The following GTSE1 variants were observed in gnomAD, a reference collection of about 807,000 sequenced individuals.
GTSE1 encodes the protein G2 and S phase-expressed protein 1.
Under a neutral mutation model 60.5 loss-of-function variants are expected in GTSE1, and 52 were observed. The ratio of observed to expected loss-of-function variants is 0.86; its 90% CI spans 0.69 to 1.08. GTSE1 has a LOEUF of 1.08. Ranked by LOEUF, GTSE1 falls within the 50% of genes least tolerant of loss-of-function variation. The pLI is 0.00. For missense variants in GTSE1, 937 were observed against 961.8 expected, an observed-to-expected ratio of 0.97 and a Z score of 0.34; for synonymous variants, 368 against 386.5, an observed-to-expected ratio of 0.95 and a Z score of 0.56.
chr22:46,329,264 C>A lies in GTSE1; in HGVS notation c.1927-94C>A. ...CTGATTCCTTGGCTTTCCAAACCGC[C>A]AGCCCACCTGGAACATGAGCAAAGC... is the stretch of plus-strand genomic sequence containing the variant. On this transcript the variant is annotated intron_variant, in intron 10 of 11. Transcript: ENST00000454366. The surrounding 1 kb of genome is among the most constrained non-coding windows in gnomAD (Gnocchi z 6.4). 9.3e-7 allele frequency: 1 copy of A among 1,077,956 alleles called. No homozygotes were observed. Among genetic ancestry groups the A allele is most frequent in the Non-Finnish European group, 1.4e-6 (1 of 702,550 alleles). The allele number at this position is 1,077,956 out of a possible 1,614,324, so 66.8% of individuals were successfully genotyped here. A position where few individuals can be genotyped will look rare whatever the true frequency, so the allele number is the denominator to read the frequency against.
chr22:46,325,560 A>G (rs1200719776), intron 8 of GTSE1, among the ~76,000 whole-genome samples: 4 of 152,180 alleles, frequency 2.6e-5, no homozygotes, highest in African/African-American at 7.2e-5. Context: ...CAGTAGTGCA[A>G]TCATGGCTCA....
chr22:46,301,396 C>T (rs1233886555), intron 2 of GTSE1, among the ~76,000 whole-genome samples: 1 of 152,156 alleles, frequency 6.6e-6, no homozygotes, highest in African/African-American at 2.4e-5. Context: ...TTGTCTCTTT[C>T]CCCACAACCT....
At position 46,310,317 on chromosome 22, in the gene GTSE1, G is replaced by A. The variant is rs1360666538; in HGVS notation, c.762+1374G>A. Among the ~76,000 whole-genome samples, 3 of 152,216 alleles carry A rather than the reference G, an allele frequency of 2.0e-5. No homozygotes were observed. Among genetic ancestry groups the A allele is most frequent in the Admixed American group, 6.5e-5 (1 of 15,286 alleles). On this transcript the variant is annotated intron_variant, in intron 4 of 11. Coordinates refer to ENST00000454366, the MANE Select transcript of GTSE1 (RefSeq NM_016426.7). The surrounding 1 kb of genome is among the most constrained non-coding windows in gnomAD (Gnocchi z 4.4). ...GGATGAGGATGTTGTGGAGGATGAG[G>A]AGAAGGCTGAGGATGTGGAGAAGCT...
At chr22:46,303,360 T>C (rs1246068060) in intron 2 of GTSE1, among the ~76,000 whole-genome samples, 1 of 152,256 alleles carries the variant, frequency 6.6e-6, no homozygotes, top group East Asian at 1.9e-4. Flanking sequence ...CACTGTTCTT[T>C]GTAGATATGA....
At chr22:46,307,502 A>T (rs1601903070) in intron 2 of GTSE1, among the ~76,000 whole-genome samples, 1 of 148,568 alleles carries the variant, frequency 6.7e-6, no homozygotes, top group Non-Finnish European at 1.5e-5. Context: ...AGAATGGCTG[A>T]TGTAATTTCT....
chr22:46,308,351 C>G lies in GTSE1; in HGVS notation c.170C>G (p.Pro57Arg), dbSNP rs773088142. 7.4e-6 allele frequency: 12 copies of G among 1,613,772 alleles called. No homozygotes were observed. In the Admixed American group the frequency reaches 8.3e-5, roughly 11 times the overall value. The change falls in exon 4 of 12, where the codon CCC becomes CGC. Residue 57 changes from proline (P) to arginine (R), a missense_variant. Physicochemically the swap from Pro to Arg is moderately radical, Grantham distance 103 (BLOSUM62 -2). Coordinates refer to ENST00000454366, the MANE Select transcript of GTSE1 (RefSeq NM_016426.7). Reference sequence around the variant, plus strand: ...GAAGATGATGAAGTCTTCTTCGGACCCTTTGGACATAAAGAAAGATGTATT... The same window carrying G: ...GAAGATGATGAAGTCTTCTTCGGACGCTTTGGACATAAAGAAAGATGTATT... Reference protein sequence around the residue: ...ANEDDEVFFGPFGHKERCIAA... With the variant: ...ANEDDEVFFGRFGHKERCIAA...
rs1218991251 is a variant in GTSE1, at chr22:46,309,770, T to TG, written c.762+828dup. On this transcript the variant is annotated intron_variant, in intron 4 of 11. Coordinates refer to ENST00000454366, the MANE Select transcript of GTSE1 (RefSeq NM_016426.7). This position sits in a 1 kb window ranked among gnomAD's most constrained non-coding sequence, Gnocchi z 6.2. ...ACACACTGCCCTTGACAAGGAGGTATGCCCGGCACTGCCACCCCCAACAGC... is the reference window on the plus strand; with the variant it reads ...ACACACTGCCCTTGACAAGGAGGTATGGCCCGGCACTGCCACCCCCAACAGC... Among the ~76,000 whole-genome samples the TG allele has an allele frequency of 6.6e-6, 1 of 152,182 alleles. No individual in the cohort carries two copies. The highest frequency in any genetic ancestry group is 1.5e-5 in the Non-Finnish European group (1 of 68,034).
rs1287982583 is a variant in GTSE1 at position 46,330,197 on chromosome 22, T to G, written c.*67T>G. On this transcript the variant is annotated 3_prime_UTR_variant, in exon 12 of 12. Transcript: ENST00000454366. The surrounding 1 kb of genome is among the most constrained non-coding windows in gnomAD (Gnocchi z 6.0). ...GGTTTTCAACCCTCAGAAACAAGCT[T>G]TAGGCTGGTCGCAGTGGCTTACACT... 5 of 961,450 alleles carry G rather than the reference T, an allele frequency of 5.2e-6. No homozygotes were observed. In the African/African-American group the frequency reaches 8.0e-5, roughly 15 times the overall value. 59.6% of individuals were successfully genotyped at this position (961,450 alleles called of 1,614,324 possible).
chr22:46,308,110 A>C (rs1367988224), intron 2 of GTSE1, 40 bp from the exon 3 acceptor site: 1 of 1,345,298 alleles, frequency 7.4e-7, no homozygotes, highest in Non-Finnish European at 1.1e-6. Flanking sequence ...TCTCTTTATC[A>C]GCTGTGGCAC....
chr22:46,316,038 C>A lies in GTSE1; in HGVS notation c.1058C>A (p.Ser353Ter). ...CTSPAVGKAK[S>*]SEFASIPANS... is the part of the protein sequence containing the mutation. ...TTGTGTGTATACCTTCTAGCTAAATCAAGTGAATTTGCAAGTATTCCTGCA... is the reference window on the plus strand; with the variant it reads ...TTGTGTGTATACCTTCTAGCTAAATAAAGTGAATTTGCAAGTATTCCTGCA... The change falls in exon 7 of 12, where the codon TCA becomes TAA. Residue 353 changes from serine (S) to a stop codon, truncating the protein, a stop_gained. Coordinates refer to ENST00000454366, the MANE Select transcript of GTSE1 (RefSeq NM_016426.7). LOFTEE classifies it high-confidence loss of function. The surrounding 1 kb of genome is among the most constrained non-coding windows in gnomAD (Gnocchi z 5.0). 1 of 1,510,596 alleles carries A rather than the reference C, an allele frequency of 6.6e-7. No individual in the cohort carries two copies. The highest frequency in any genetic ancestry group is 1.3e-5 in the South Asian group (1 of 74,604). The allele number at this position is 1,510,596 out of a possible 1,614,324, so 93.6% of individuals were successfully genotyped here.
intron 7 of GTSE1, among the ~76,000 whole-genome samples, chr22:46,322,469 A>G (rs1434291057): frequency 6.6e-6 from 1 of 152,132 alleles, no homozygotes. Flanking sequence ...GCCCCAGAGC[A>G]CATGTGCTGA....
Position 46,329,053 on chromosome 22 carries a change from C to T in GTSE1, c.1926+164C>T, listed in dbSNP as rs1046734608. 39 of 631,454 alleles carry T rather than the reference C, an allele frequency of 6.2e-5. No homozygotes were observed. The highest frequency in any genetic ancestry group is 8.9e-5 in the Non-Finnish European group (32 of 359,168). The allele number at this position is 631,454 out of a possible 1,614,324, so 39.1% of individuals were successfully genotyped here. On this transcript the variant is annotated intron_variant, in intron 10 of 11. Transcript: ENST00000454366. The surrounding 1 kb of genome is among the most constrained non-coding windows in gnomAD (Gnocchi z 6.4). ...ACCCAAAGGGAGGCAGTCAGGACTT[C>T]CAGGCCTCCAGGGGAGAAAGCCCTG...
At position 46,309,058 on chromosome 22, in the gene GTSE1, A is replaced by C; in HGVS notation, c.762+115A>C. 1.7e-6 allele frequency: 2 copies of C among 1,166,414 alleles called. No homozygotes were observed. Among genetic ancestry groups the C allele is most frequent in the Non-Finnish European group, 2.4e-6 (2 of 835,882 alleles). 72.3% of individuals were successfully genotyped at this position (1,166,414 alleles called of 1,614,324 possible). ...GGTGGCGAGTCTCTGAGGCCTACAA[A>C]ACACAGGAATGCGGAGTCCAGGAAA... On this transcript the variant is annotated intron_variant, in intron 4 of 11. Coordinates refer to ENST00000454366, the MANE Select transcript of GTSE1 (RefSeq NM_016426.7). The surrounding 1 kb of genome is among the most constrained non-coding windows in gnomAD (Gnocchi z 6.2).
At chr22:46,326,396 A>G (rs775834230) in intron 8 of GTSE1, 40 bp from the exon 9 acceptor site, 2 of 1,487,676 alleles carry the variant, frequency 1.3e-6, no homozygotes, top group Non-Finnish European at 1.9e-6. Flanking sequence ...TACTTTTTCT[A>G]TGTCATCTCA....
At position 46,304,796 on chromosome 22, in the gene GTSE1, T is replaced by G. The variant is rs752488832; in HGVS notation, c.80-3354T>G. On this transcript the variant is annotated intron_variant, in intron 2 of 11. Transcript: ENST00000454366. This position sits in a 1 kb window ranked among gnomAD's most constrained non-coding sequence, Gnocchi z 4.4. ...CAGTTTGAGACCAGCCTGGGCAACA[T>G]GAGGAGATCCCATCTCTACAAAAAA... is the stretch of plus-strand genomic sequence containing the variant. Among the ~76,000 whole-genome samples the G allele has an allele frequency of 2.3e-4, 35 of 152,034 alleles. No individual in the cohort carries two copies. Among genetic ancestry groups the G allele is most frequent in the Non-Finnish European group, 4.6e-4 (31 of 67,996 alleles).
At position 46,309,037 on chromosome 22, in the gene GTSE1, G is replaced by T. The variant is rs2077734017; in HGVS notation, c.762+94G>T. 3 of 1,382,698 alleles carry T rather than the reference G, an allele frequency of 2.2e-6. No homozygotes were observed. Among genetic ancestry groups the T allele is most frequent in the Non-Finnish European group, 2.9e-6 (3 of 1,020,102 alleles). The allele number at this position is 1,382,698 out of a possible 1,614,324, so 85.7% of individuals were successfully genotyped here. A position where few individuals can be genotyped will look rare whatever the true frequency, so the allele number is the denominator to read the frequency against. On this transcript the variant is annotated intron_variant, in intron 4 of 11. Coordinates refer to ENST00000454366, the MANE Select transcript of GTSE1 (RefSeq NM_016426.7). This position sits in a 1 kb window ranked among gnomAD's most constrained non-coding sequence, Gnocchi z 6.2. ...CCACATGCGGAAAGCCTCAGAGGTG[G>T]CGAGTCTCTGAGGCCTACAAAACAC...
At chr22:46,298,985 C>A (rs1392961838) in intron 2 of GTSE1, among the ~76,000 whole-genome samples, 1 of 152,188 alleles carries the variant, frequency 6.6e-6, no homozygotes, top group African/African-American at 2.4e-5. Flanking sequence ...TTTTTTTCCG[C>A]CTCTCAATCC....
rs2077831517 is a variant in GTSE1, at chr22:46,324,308, C to T, written c.1505+1046C>T. On this transcript the variant is annotated intron_variant, in intron 8 of 11. Transcript: ENST00000454366. This position sits in a 1 kb window ranked among gnomAD's most constrained non-coding sequence, Gnocchi z 5.2. ...TGGCCACCTCACTTGCCTCTCTGTG[C>T]CTCAGTTTCCTCACCTCACCCAGGG... Among the ~76,000 whole-genome samples, 1 of 152,204 alleles carries T rather than the reference C, an allele frequency of 6.6e-6. No homozygotes were observed. The highest frequency in any genetic ancestry group is 2.4e-5 in the African/African-American group (1 of 41,462).
At position 46,317,132 on chromosome 22, in the gene GTSE1, T is replaced by G. The variant is rs1009454762; in HGVS notation, c.1432+720T>G. 6.6e-6 allele frequency among the ~76,000 whole-genome samples: 1 copy of G among 152,030 alleles called. No individual in the cohort carries two copies. Among genetic ancestry groups the G allele is most frequent in the African/African-American group, 2.4e-5 (1 of 41,410 alleles). ...GCCCACCACCACACCCGGCTAATTT[T>G]TTTTTTGTATTTTTGGTAGAGACGG... is the stretch of plus-strand genomic sequence containing the variant. On this transcript the variant is annotated intron_variant, in intron 7 of 11. Transcript: ENST00000454366. The surrounding 1 kb of genome is among the most constrained non-coding windows in gnomAD (Gnocchi z 5.6).
Sources: gnomAD v4.1 joint callset for allele counts (sites outside exome capture counted in the v4.1 genomes callset) on GRCh38, gnomAD v4.1.1 for gene constraint, Gnocchi (gnomAD v3.1) non-coding constraint, MANE v1.5 for transcripts, NCBI Gene and HGNC (gene_info 2026-07-23, HGNC 2026-07-21) for gene names.